LRRC7: variants seen among roughly 807,000 people sequenced by gnomAD.
The protein encoded by LRRC7 is leucine rich repeat containing 7, also known as leucine-rich repeat-containing protein 7.
LRRC7 carries 23 observed loss-of-function variants against 175.7 expected under a neutral mutation model. That is an observed-to-expected ratio of 0.13 (90% CI 0.09 to 0.19). LRRC7 has a LOEUF of 0.19. Among genes scored for constraint, LRRC7 ranks in the 10% least tolerant of loss-of-function variants. LRRC7 has a pLI of 1.00. For synonymous variants in LRRC7, 685 were observed against 680.9 expected, an observed-to-expected ratio of 1.01 and a Z score of -0.09; for missense variants, 1,354 against 1,904.7, an observed-to-expected ratio of 0.71 and a Z score of 5.38.
chr1:69,977,423 A>G (rs900150259), intron 8 of LRRC7, among the ~76,000 whole-genome samples: 1 of 152,222 alleles, frequency 6.6e-6, no homozygotes, highest in Non-Finnish European at 1.5e-5. Context: ...ACCATGCACT[A>G]TGACTAGTAT....
chr1:69,943,101 C>A (rs1251424019), intron 8 of LRRC7, among the ~76,000 whole-genome samples: 1 of 152,088 alleles, frequency 6.6e-6, no homozygotes, highest in African/African-American at 2.4e-5. Context: ...TAGTCTACTA[C>A]AATACCCAAG....
intron 1 of LRRC7, among the ~76,000 whole-genome samples, chr1:69,622,060 T>C (rs903572068): frequency 6.6e-6 from 1 of 152,220 alleles, no homozygotes; most frequent in African/African-American, 2.4e-5. Flanking sequence ...ATTAGACTAG[T>C]AACTTCCTCG....
intron 7 of LRRC7, among the ~76,000 whole-genome samples, chr1:69,930,756 G>A (rs541524525): frequency 7.9e-4 from 121 of 152,276 alleles, no homozygotes; most frequent in African/African-American, 2.1e-3. Flanking sequence ...AATCATGGCC[G>A]AAGGGGAAGC....
intron 7 of LRRC7, among the ~76,000 whole-genome samples, chr1:69,881,885 TAA>T (rs61466996): frequency 5.7e-4 from 69 of 120,814 alleles, no homozygotes; most frequent in Admixed American, 6.2e-4. Context: ...GTCTCCAGAT[TAA>T]AAAAAAAAAA....
intron 2 of LRRC7, among the ~76,000 whole-genome samples, chr1:69,698,110 A>C (rs1662850068): frequency 6.6e-6 from 1 of 152,234 alleles, no homozygotes; most frequent in Non-Finnish European, 1.5e-5. Flanking sequence ...AGAAGTGAGC[A>C]ACAAGTCTGT....
rs747109997 is a variant in LRRC7, at chr1:70,039,304, C to T, written c.3480C>T (p.Ala1160=). Residue 1160 remains alanine, a synonymous_variant, in exon 21 of 27, where the codon GCC becomes GCT. Coordinates refer to ENST00000651989, the MANE Select transcript of LRRC7 (RefSeq NM_001370785.2). ...GAAGGGCCGACTCCCTGGTGAGCGCCACAGAAATGGCCATGTTTAGAAGGG... is the reference window on the plus strand; with the variant it reads ...GAAGGGCCGACTCCCTGGTGAGCGCTACAGAAATGGCCATGTTTAGAAGGG... ...FLRRADSLVS[A]TEMAMFRRVN... is the part of the protein sequence containing the mutation. The T allele has an allele frequency of 1.3e-5, 21 of 1,614,026 alleles. No homozygotes were observed. The highest frequency in any genetic ancestry group is 2.7e-5 in the African/African-American group (2 of 75,068).
intron 22 of LRRC7, among the ~76,000 whole-genome samples, chr1:70,049,223 ATTAG>A (rs1431812433): frequency 3.9e-5 from 6 of 152,284 alleles, no homozygotes; most frequent in African/African-American, 1.4e-4. Flanking sequence ...GTTGATTGAA[ATTAG>A]TTAGTTGATA....
At chr1:69,967,859 A>G (rs1651813821) in intron 8 of LRRC7, among the ~76,000 whole-genome samples, 3 of 152,172 alleles carry the variant, frequency 2.0e-5, no homozygotes, top group Admixed American at 2.0e-4. Context: ...AAAAGGAACC[A>G]GGAAACCAAC....
rs369880653 is a variant in LRRC7, at chr1:70,078,605, A to G, written c.4452+2307A>G. Among the ~76,000 whole-genome samples, 4 of 152,042 alleles carry G rather than the reference A, an allele frequency of 2.6e-5. No homozygotes were observed. The South Asian group carries it at 8.3e-4, about 32-fold the overall frequency. On this transcript the variant is annotated intron_variant, in intron 24 of 26. Coordinates refer to ENST00000651989, the MANE Select transcript of LRRC7 (RefSeq NM_001370785.2). ...ATTTAGCTTAGTGTTCAAGAAAGAG[A>G]TACTAGGACTAGGTCTCAGAATTTG...
intron 1 of LRRC7, among the ~76,000 whole-genome samples, chr1:69,633,242 T>C (rs1652787781): frequency 6.6e-6 from 1 of 152,024 alleles, no homozygotes; most frequent in African/African-American, 2.4e-5. Flanking sequence ...CTACAATTAC[T>C]GTCCTTTTTA....
At chr1:69,987,322 G>T (rs12047627) in intron 10 of LRRC7, among the ~76,000 whole-genome samples, 2 of 152,146 alleles carry the variant, frequency 1.3e-5, no homozygotes, top group Non-Finnish European at 2.9e-5. Flanking sequence ...GCTTTTTTGT[G>T]TAGGTATCTT....
chr1:70,007,289 C>G (rs1656077128), intron 11 of LRRC7, among the ~76,000 whole-genome samples: 2 of 152,094 alleles, frequency 1.3e-5, no homozygotes, highest in African/African-American at 4.8e-5. Context: ...AATTCTGTGC[C>G]AAGAACTGGA....
rs1667072616 is a variant in LRRC7 at position 70,141,818 on chromosome 1, T to C, written c.*19931T>C. The C allele has an allele frequency of 6.6e-6, 1 of 152,174 alleles. No individual in the cohort carries two copies. The highest frequency in any genetic ancestry group is 1.5e-5 in the Non-Finnish European group (1 of 68,000). 9.4% of individuals were successfully genotyped at this position (152,174 alleles called of 1,614,324 possible). On this transcript the variant is annotated 3_prime_UTR_variant, in exon 27 of 27. Coordinates refer to ENST00000651989, the MANE Select transcript of LRRC7 (RefSeq NM_001370785.2). Reference sequence around the variant, plus strand: ...TATGGTGACTCAGGTTTTGTGTCTATGTATAGGCACACATAAATAGGAGGT... The same window carrying C: ...TATGGTGACTCAGGTTTTGTGTCTACGTATAGGCACACATAAATAGGAGGT...
intron 7 of LRRC7, among the ~76,000 whole-genome samples, chr1:69,878,264 A>C (rs546078321): frequency 5.2e-4 from 74 of 142,410 alleles, no homozygotes; most frequent in African/African-American, 1.8e-3. Flanking sequence ...TCTCCAAAGA[A>C]TCCTTATCTT....
chr1:69,632,768 A>G (rs1201542931), intron 1 of LRRC7, among the ~76,000 whole-genome samples: 1 of 152,158 alleles, frequency 6.6e-6, no homozygotes, highest in African/African-American at 2.4e-5. Context: ...CTCAGTGACT[A>G]GAATAATGAC....
Position 69,783,801 on chromosome 1 carries a change from A to G in LRRC7, c.304-8242A>G, listed in dbSNP as rs188202308. On this transcript the variant is annotated intron_variant, in intron 3 of 26. Transcript: ENST00000651989. Reference sequence around the variant, plus strand: ...AAGATTCTGGAATAACTGGTCATCTATAAGTGGAAAAGAATAAATCCTTAC... The same window carrying G: ...AAGATTCTGGAATAACTGGTCATCTGTAAGTGGAAAAGAATAAATCCTTAC... 1.6e-3 allele frequency among the ~76,000 whole-genome samples: 246 copies of G among 151,538 alleles called. 1 individual carries two copies. The highest frequency in any genetic ancestry group is 0.014 in the East Asian group (72 of 5,138).
rs1667027570 is a variant in LRRC7 at position 70,140,630 on chromosome 1, A to G, written c.*18743A>G. Reference sequence around the variant, plus strand: ...TGATCCTCAGGCAAGTATAATATAAAAAGTCAGGAATTGACTACAGTTCCC... The same window carrying G: ...TGATCCTCAGGCAAGTATAATATAAGAAGTCAGGAATTGACTACAGTTCCC... On this transcript the variant is annotated 3_prime_UTR_variant, in exon 27 of 27. Transcript: ENST00000651989. 6.6e-6 allele frequency: 1 copy of G among 152,162 alleles called. No homozygotes were observed. The highest frequency in any genetic ancestry group is 2.1e-4 in the South Asian group (1 of 4,836). The allele number at this position is 152,162 out of a possible 1,614,324, so 9.4% of individuals were successfully genotyped here. A position where few individuals can be genotyped will look rare whatever the true frequency, so the allele number is the denominator to read the frequency against.
At chr1:69,985,817 C>T (rs1653890271) in intron 9 of LRRC7, among the ~76,000 whole-genome samples, 2 of 152,038 alleles carry the variant, frequency 1.3e-5, no homozygotes, top group South Asian at 4.2e-4. Flanking sequence ...ATACTTTATT[C>T]CTTTTTATTA....
intron 1 of LRRC7, chr1:69,606,723 G>A (rs964146888): frequency 2.0e-5 from 3 of 152,072 alleles, no homozygotes; most frequent in African/African-American, 7.2e-5. Context: ...ACCCACTTGT[G>A]AACTATCTTA....
Sources: allele counts gnomAD v4.1 joint callset (sites outside exome capture counted in the v4.1 genomes callset), GRCh38; gene constraint gnomAD v4.1.1; transcripts MANE v1.5; gene names NCBI Gene and HGNC (gene_info 2026-07-23, HGNC 2026-07-21).